The following ZNF718 variants were observed in gnomAD, a reference collection of about 807,000 sequenced individuals.
ZNF718 encodes the protein zinc finger protein 718.
Under a neutral mutation model 2.6 loss-of-function variants are expected in ZNF718, and 3 were observed. The ratio of observed to expected loss-of-function variants is 1.16; its 90% CI spans 0.53 to 3.01. The LOEUF (loss-of-function observed/expected upper bound fraction) is 3.01, where lower values mean the gene tolerates loss of function less well. Among genes scored for constraint, ZNF718 ranks in the 30% most tolerant of loss-of-function variants. ZNF718 has a pLI of 0.03. For synonymous variants in ZNF718, 135 were observed against 77.9 expected (o/e 1.73, Z -3.86); for missense variants, 468 against 230.0 (o/e 2.03, Z -6.69).
At chr4:153,193 T>C (rs1298475569) in intron 3 of ZNF718, among the ~76,000 whole-genome samples, 5 of 148,366 alleles carry the variant, frequency 3.4e-5, no homozygotes, top group Non-Finnish European at 7.5e-5. Context: ...TTCTCCAATG[T>C]GTGTTCTAGA....
intron 3 of ZNF718, among the ~76,000 whole-genome samples, chr4:134,245 C>G (rs1553808887): frequency 6.6e-6 from 1 of 152,170 alleles, no homozygotes; most frequent in Non-Finnish European, 1.5e-5. Context: ...CTCCCGGGTT[C>G]ACACCATTCT....
Position 159,884 on chromosome 4 carries a change from A to G in ZNF718, c.227-1028A>G, listed in dbSNP as rs183567526. On this transcript the variant is annotated intron_variant, in intron 3 of 3. Coordinates refer to ENST00000510175, the MANE Select transcript of ZNF718 (RefSeq NM_001039127.6). ...CATGAACTAAAAGCTATTTGTCACA[A>G]TCTTTACAATGTTGCCTTGTCCTCA... is the stretch of plus-strand genomic sequence containing the variant. Among the ~76,000 whole-genome samples, 20 of 152,282 alleles carry G rather than the reference A, an allele frequency of 1.3e-4. No individual in the cohort carries two copies. In the East Asian group the frequency reaches 3.3e-3, roughly 25 times the overall value.
intron 3 of ZNF718, chr4:150,213 A>G (rs1351100756): frequency 3.9e-5 from 6 of 152,158 alleles, no homozygotes; most frequent in South Asian, 4.1e-4. Context: ...TATTCTATAT[A>G]TATGTCACAT....
At chr4:149,226 A>G (rs187055581) in intron 3 of ZNF718, among the ~76,000 whole-genome samples, 217 of 152,348 alleles carry the variant, frequency 1.4e-3, no homozygotes, top group African/African-American at 5.0e-3. Context: ...ACATTGTGTA[A>G]TAAGTACATG....
rs1424482163 is a variant in ZNF718, at chr4:130,843, G to A, written c.59G>A (p.Cys20Tyr). The A allele has an allele frequency of 5.1e-6, 2 of 391,686 alleles. 1 individual carries two copies. Among genetic ancestry groups the A allele is most frequent in the East Asian group, 1.6e-4 (2 of 12,512 alleles). 24.3% of individuals were successfully genotyped at this position (391,686 alleles called of 1,614,324 possible). ...AIEFSPEEWK[C>Y]LDTSQQNLYR... The stretch of plus-strand genomic sequence containing the variant: ...GAATTCTCTCCAGAAGAGTGGAAAT[G>A]TCTGGACACTTCCCAGCAGAATTTA... Residue 20 changes from cysteine (C) to tyrosine (Y), a missense_variant, in exon 2 of 4, where the codon TGT becomes TAT. Coordinates refer to ENST00000510175, the MANE Select transcript of ZNF718 (RefSeq NM_001039127.6).
At chr4:165,711 A>G (rs1553816671), downstream of ZNF718, among the ~76,000 whole-genome samples, 1 of 152,180 alleles carries the variant, frequency 6.6e-6, no homozygotes, top group Non-Finnish European at 1.5e-5. Context: ...AGGCTGGAGA[A>G]TTGCTTGAAC....
At chr4:142,009 T>G (rs782760015) in intron 3 of ZNF718, 2 of 519,938 alleles carry the variant, frequency 3.8e-6, no homozygotes, top group Non-Finnish European at 7.7e-6. Context: ...TTTTTATGGT[T>G]TAAATCTTCT....
intron 3 of ZNF718, among the ~76,000 whole-genome samples, chr4:187,187 GGTTTTTTT>G (rs1284151424): frequency 4.6e-5 from 7 of 151,858 alleles, no homozygotes; most frequent in South Asian, 2.1e-4. Context: ...CTCCAGGCTT[GGTTTTTTT>G]GTTTTTTTGT....
At chr4:166,727 G>A (rs1717096708), downstream of ZNF718, among the ~76,000 whole-genome samples, 1 of 152,042 alleles carries the variant, frequency 6.6e-6, no homozygotes, top group South Asian at 2.1e-4. Context: ...ATTTGTTTGA[G>A]TTCTTTGTAG....
chr4:199,518 C>T (rs1717858731), intron 3 of ZNF718, among the ~76,000 whole-genome samples: 1 of 152,034 alleles, frequency 6.6e-6, no homozygotes, highest in African/African-American at 2.4e-5. Flanking sequence ...AACTCAATTT[C>T]CTTGCATCCT....
Position 132,895 on chromosome 4 carries a change from C to T in ZNF718, c.226+1390C>T, listed in dbSNP as rs1214527584. Among the ~76,000 whole-genome samples, 97 of 100,066 alleles carry T rather than the reference C, an allele frequency of 9.7e-4. 28 individuals are homozygous for T. Among genetic ancestry groups the T allele is most frequent in the Admixed American group, 4.4e-3 (40 of 9,038 alleles). The allele number at this position is 100,066 out of a possible 152,430, so 65.6% of individuals were successfully genotyped here. ...CTTGGCCACACATAAAATACAGTAA[C>T]GTGGCCGGACACGGTGGCTCACACC... On this transcript the variant is annotated intron_variant, in intron 3 of 3. Transcript: ENST00000510175.
At chr4:133,196 ATATAT>A (rs1358087015) in intron 3 of ZNF718, among the ~76,000 whole-genome samples, 18 of 16,516 alleles carry the variant, frequency 1.1e-3, no homozygotes, top group African/African-American at 5.9e-3. Context: ...AAAAAAAAAA[ATATAT>A]ATATATATAT....
chr4:156,033 G>A lies in ZNF718; in HGVS notation c.227-4879G>A, dbSNP rs534115375. ...ATTTGTTTGGTTCTTATTCTCTTTC[G>A]TCTACCACCATGTAAGATGTGCCTT... On this transcript the variant is annotated intron_variant, in intron 3 of 3. Coordinates refer to ENST00000510175, the MANE Select transcript of ZNF718 (RefSeq NM_001039127.6). Among the ~76,000 whole-genome samples, 15 of 152,116 alleles carry A rather than the reference G, an allele frequency of 9.9e-5. No individual in the cohort carries two copies. In the East Asian group the frequency reaches 1.5e-3, roughly 16 times the overall value.
chr4:189,730 A>G (rs1464352945), intron 3 of ZNF718, among the ~76,000 whole-genome samples: 2 of 152,152 alleles, frequency 1.3e-5, no homozygotes, highest in Non-Finnish European at 2.9e-5. Context: ...GCAATTATCC[A>G]CCAGTAAGTG....
intron 1 of ZNF718, 33 bp downstream of exon 1, chr4:124,706 T>TC (rs1715113870): frequency 4.4e-6 from 7 of 1,607,816 alleles, no homozygotes; most frequent in Non-Finnish European, 5.9e-6. Context: ...CCCAAGGCTG[T>TC]GGAGGCCTCA....
chr4:127,040 G>T (rs1715253091), intron 1 of ZNF718, among the ~76,000 whole-genome samples: 1 of 152,058 alleles, frequency 6.6e-6, no homozygotes, highest in African/African-American at 2.4e-5. Flanking sequence ...TGGCCAGGAT[G>T]GTCTCCATCT....
intron 3 of ZNF718, among the ~76,000 whole-genome samples, chr4:179,880 C>A (rs1484205350): frequency 1.3e-5 from 2 of 152,012 alleles, no homozygotes; most frequent in African/African-American, 4.8e-5. Flanking sequence ...TAATGTTTGG[C>A]ATTGTGTCAT....
chr4:144,991 A>G (rs1318548691), intron 3 of ZNF718, among the ~76,000 whole-genome samples: 1 of 151,752 alleles, frequency 6.6e-6, no homozygotes, highest in Non-Finnish European at 1.5e-5. Flanking sequence ...CCACTCGTAC[A>G]CTTTTTTAGT....
downstream of ZNF718, among the ~76,000 whole-genome samples, chr4:167,588 A>G (rs558220285): frequency 4.5e-4 from 68 of 152,178 alleles, no homozygotes; most frequent in African/African-American, 1.6e-3. Flanking sequence ...TTTGATTCCT[A>G]GGTATTTTAT....
Sources: gnomAD v4.1 joint callset for allele counts (sites outside exome capture counted in the v4.1 genomes callset) on GRCh38, gnomAD v4.1.1 for gene constraint, MANE v1.5 for transcripts, NCBI Gene and HGNC (gene_info 2026-07-23, HGNC 2026-07-21) for gene names.